ITCH: variants seen among roughly 807,000 people sequenced by gnomAD.
The protein encoded by ITCH is itchy E3 ubiquitin protein ligase, also known as E3 ubiquitin-protein ligase Itchy homolog.
ITCH carries 28 observed loss-of-function variants against 126.8 expected under a neutral mutation model. The observed-to-expected ratio is 0.22, with a 90% CI of 0.16 to 0.30. The LOEUF (loss-of-function observed/expected upper bound fraction) is 0.30, where lower values mean the gene tolerates loss of function less well. Among genes scored for constraint, ITCH ranks in the 10% least tolerant of loss-of-function variants. The pLI, the probability that ITCH is intolerant of heterozygous loss-of-function variation, is 1.00. For synonymous variants in ITCH, 342 were observed against 340.0 expected (o/e 1.01, Z -0.06); for missense variants, 631 against 1,032.4 (o/e 0.61, Z 5.33).
At chr20:34,393,747 A>G in intron 2 of ITCH, 44 bp from the exon 3 acceptor site, 2 of 1,133,420 alleles carry the variant, frequency 1.8e-6, no homozygotes, top group East Asian at 2.3e-5. Flanking sequence ...TATGTTTTTA[A>G]TGGGAATTTT....
At chr20:34,457,226 T>A (rs1986091516) in intron 12 of ITCH, among the ~76,000 whole-genome samples, 164 bp from the exon 13 acceptor site, 1 of 152,240 alleles carries the variant, frequency 6.6e-6, no homozygotes, top group Non-Finnish European at 1.5e-5. Flanking sequence ...AGGATGTGCA[T>A]TTAATAGTCA....
chr20:34,468,748 G>C (rs780957868), intron 14 of ITCH, among the ~76,000 whole-genome samples: 9 of 150,506 alleles, frequency 6.0e-5, no homozygotes, highest in African/African-American at 1.2e-4. Context: ...CAGAGATTGC[G>C]CCACTGCACT....
At chr20:34,436,580 T>G (rs1291676828) in intron 7 of ITCH, among the ~76,000 whole-genome samples, 1 of 152,188 alleles carries the variant, frequency 6.6e-6, no homozygotes, top group Admixed American at 6.5e-5. Context: ...GACTGCCAAT[T>G]ACTGAGGTGT....
At chr20:34,489,763 T>C in intron 21 of ITCH, 59 bp from the exon 22 acceptor site, 5 of 1,102,304 alleles carry the variant, frequency 4.5e-6, no homozygotes, top group Non-Finnish European at 7.0e-6. Context: ...GTCTTTCCTA[T>C]GTCCAGCTGT....
intron 2 of ITCH, among the ~76,000 whole-genome samples, chr20:34,370,268 T>G (rs1465776129): frequency 6.6e-6 from 1 of 152,142 alleles, no homozygotes; most frequent in Non-Finnish European, 1.5e-5. Context: ...GTAAAATAGG[T>G]AAGTATTGAT....
At chr20:34,459,712 G>A (rs1302433135) in intron 13 of ITCH, among the ~76,000 whole-genome samples, 4 of 152,038 alleles carry the variant, frequency 2.6e-5, no homozygotes, top group South Asian at 4.2e-4. Flanking sequence ...TTCCAGCTTG[G>A]GCGACAGAGT....
chr20:34,471,529 C>T lies in ITCH; in HGVS notation c.1569+14C>T, dbSNP rs1209363049. The T allele has an allele frequency of 6.6e-7, 1 of 1,522,624 alleles. No individual in the cohort carries two copies. The highest frequency in any genetic ancestry group is 1.4e-5 in the African/African-American group (1 of 73,290). The allele number at this position is 1,522,624 out of a possible 1,614,324, so 94.3% of individuals were successfully genotyped here. A position where few individuals can be genotyped will look rare whatever the true frequency, so the allele number is the denominator to read the frequency against. On this transcript the variant is annotated intron_variant, in intron 16 of 24. Transcript: ENST00000374864. ...TCCTTTCAACAGGTACTGTTTCATT[C>T]TCTCAATAATTTCCCCCCTGGCTGC...
At position 34,363,343 on chromosome 20, in the gene ITCH, A is replaced by T. The variant is rs943225977; in HGVS notation, c.-105A>T. On this transcript the variant is annotated 5_prime_UTR_variant, in exon 1 of 25. Transcript: ENST00000374864. ...GGACTGAGGAGTCGCCGCCGCCCCG[A>T]GTCCCGGTAAACCCCCGTGGGCGAA... The T allele has an allele frequency of 6.6e-6, 1 of 152,414 alleles. No individual in the cohort carries two copies. Among genetic ancestry groups the T allele is most frequent in the African/African-American group, 2.4e-5 (1 of 41,414 alleles). The allele number at this position is 152,414 out of a possible 1,614,324, so 9.4% of individuals were successfully genotyped here. A position where few individuals can be genotyped will look rare whatever the true frequency, so the allele number is the denominator to read the frequency against.
intron 20 of ITCH, among the ~76,000 whole-genome samples, chr20:34,481,800 C>G (rs1380428451): frequency 6.6e-6 from 1 of 152,176 alleles, no homozygotes; most frequent in Non-Finnish European, 1.5e-5. Flanking sequence ...ATCACAAGGT[C>G]AGGAGATTGA....
intron 23 of ITCH, among the ~76,000 whole-genome samples, chr20:34,496,803 CAAAA>C (rs60619641): frequency 3.0e-5 from 3 of 99,408 alleles, no homozygotes; most frequent in Admixed American, 1.2e-4. Flanking sequence ...CACTCCATCT[CAAAA>C]AAAAAAAAAA....
At chr20:34,411,908 T>G (rs1218192436) in intron 4 of ITCH, among the ~76,000 whole-genome samples, 2 of 152,234 alleles carry the variant, frequency 1.3e-5, no homozygotes, top group African/African-American at 4.8e-5. Context: ...TATTTGATAG[T>G]TGGACTGGGC....
At chr20:34,503,632 T>TGTAA (rs1349160367) in intron 23 of ITCH, among the ~76,000 whole-genome samples, 1 of 152,208 alleles carries the variant, frequency 6.6e-6, no homozygotes, top group Non-Finnish European at 1.5e-5. Context: ...AAGCTTTTTG[T>TGTAA]GTGTTCTTGT....
At chr20:34,456,097 A>ATG (rs1985878216) in intron 12 of ITCH, among the ~76,000 whole-genome samples, 1 of 145,286 alleles carries the variant, frequency 6.9e-6, no homozygotes, top group African/African-American at 2.5e-5. Context: ...ATATATATGT[A>ATG]TGTATATATA....
intron 2 of ITCH, among the ~76,000 whole-genome samples, chr20:34,382,081 T>G (rs1027567392): frequency 6.6e-6 from 1 of 152,194 alleles, no homozygotes; most frequent in Non-Finnish European, 1.5e-5. Flanking sequence ...ATTCTGTTTC[T>G]TTTTGAATTT....
chr20:34,499,220 C>T (rs994475291), intron 23 of ITCH, among the ~76,000 whole-genome samples: 11 of 149,144 alleles, frequency 7.4e-5, no homozygotes, highest in African/African-American at 2.0e-4. Context: ...GTGATCCGCC[C>T]GCCTTGGACT....
intron 23 of ITCH, among the ~76,000 whole-genome samples, chr20:34,493,428 G>A (rs554273989): frequency 6.6e-5 from 10 of 152,308 alleles, no homozygotes; most frequent in African/African-American, 2.4e-4. Context: ...AAGATACAGT[G>A]TGGATTAAAA....
chr20:34,464,685 A>C (rs1986880182), intron 14 of ITCH, among the ~76,000 whole-genome samples: 5 of 150,832 alleles, frequency 3.3e-5, no homozygotes. Flanking sequence ...ATCATTTCCA[A>C]ATCCAGTGTC....
intron 6 of ITCH, among the ~76,000 whole-genome samples, chr20:34,421,984 C>T (rs927157845): frequency 5.3e-5 from 8 of 152,102 alleles, no homozygotes; most frequent in Admixed American, 2.0e-4. Flanking sequence ...CCACTGTACT[C>T]CAGCCTGGAC....
chr20:34,419,090 T>C (rs1006453469), intron 6 of ITCH, among the ~76,000 whole-genome samples: 3 of 152,190 alleles, frequency 2.0e-5, no homozygotes, highest in Non-Finnish European at 4.4e-5. Flanking sequence ...ATGTATGTTA[T>C]GTTTTTGTCT....
Sources: gnomAD v4.1 joint callset for allele counts (sites outside exome capture counted in the v4.1 genomes callset) on GRCh38, gnomAD v4.1.1 for gene constraint, MANE v1.5 for transcripts, NCBI Gene and HGNC (gene_info 2026-07-23, HGNC 2026-07-21) for gene names.